MAGI2: variants seen among roughly 807,000 people sequenced by gnomAD.
The protein encoded by MAGI2 is membrane associated guanylate kinase, WW and PDZ domain containing 2.
In MAGI2, 35 loss-of-function variants were observed where a neutral mutation model predicts 133.3. That is an observed-to-expected ratio of 0.26 (90% CI 0.20 to 0.35). The LOEUF (loss-of-function observed/expected upper bound fraction) is 0.35. MAGI2 is among the 10% of genes least tolerant of loss of function. The pLI is 1.00. For missense variants in MAGI2, 1,636 were observed against 1,863.4 expected, an observed-to-expected ratio of 0.88 and a Z score of 2.25; for synonymous variants, 729 against 710.6, an observed-to-expected ratio of 1.03 and a Z score of -0.41.
intron 1 of MAGI2, among the ~76,000 whole-genome samples, chr7:79,057,185 A>G (rs1435103681): frequency 1.3e-5 from 2 of 152,204 alleles, no homozygotes; most frequent in African/African-American, 4.8e-5. Context: ...ATAGATAGAA[A>G]CTTAGAATTT....
intron 1 of MAGI2, among the ~76,000 whole-genome samples, chr7:79,102,847 C>G (rs1195343647): frequency 6.6e-6 from 1 of 152,114 alleles, no homozygotes; most frequent in Non-Finnish European, 1.5e-5. Context: ...GGTGTTGCTG[C>G]GAAGATAGTT....
chr7:78,205,982 T>C (rs1281739529), intron 10 of MAGI2, among the ~76,000 whole-genome samples: 2 of 152,188 alleles, frequency 1.3e-5, no homozygotes, highest in Admixed American at 6.5e-5. Context: ...CAAAAGGCCA[T>C]TTTCAAACTG....
chr7:79,359,705 CACACACACAG>C (rs1186780943), intron 1 of MAGI2, among the ~76,000 whole-genome samples: 18 of 136,478 alleles, frequency 1.3e-4, no homozygotes, highest in African/African-American at 4.5e-4. Context: ...CACACACACA[CACACACACAG>C]AAAACAAAAA....
chr7:78,196,946 T>C (rs1161050720), intron 11 of MAGI2, among the ~76,000 whole-genome samples: 1 of 152,228 alleles, frequency 6.6e-6, no homozygotes, highest in African/African-American at 2.4e-5. Context: ...CAGTTGCCAG[T>C]GGCAGATCCT....
rs1046207237 is a variant in MAGI2 at position 78,721,990 on chromosome 7, AAAT to A, written c.419-94754_419-94752del. Among the ~76,000 whole-genome samples the A allele has an allele frequency of 5.1e-4, 78 of 151,782 alleles. 1 individual carries two copies. The highest frequency in any genetic ancestry group is 1.7e-3 in the African/African-American group (71 of 41,516). On this transcript the variant is annotated intron_variant, in intron 2 of 21. Coordinates refer to ENST00000354212, the MANE Select transcript of MAGI2 (RefSeq NM_012301.4). The stretch of plus-strand genomic sequence containing the variant: ...TCTATTATTACTTTTAGTGAGAGCA[AAAT>A]ATTATAGAAAAACTTTTTTATTTGT...
intron 6 of MAGI2, among the ~76,000 whole-genome samples, chr7:78,399,487 T>G (rs971258712): frequency 2.0e-5 from 3 of 152,124 alleles, no homozygotes; most frequent in Non-Finnish European, 2.9e-5. Context: ...GTCGAGGTAA[T>G]GGGAGCTAGT....
At chr7:78,651,246 C>G (rs556873904) in intron 2 of MAGI2, among the ~76,000 whole-genome samples, 272 of 152,236 alleles carry the variant, frequency 1.8e-3, no homozygotes, top group African/African-American at 6.4e-3. Context: ...AAGTTGCTTT[C>G]TGATAATTCA....
At chr7:79,391,120 T>C (rs561689859) in intron 1 of MAGI2, among the ~76,000 whole-genome samples, 1 of 152,244 alleles carries the variant, frequency 6.6e-6, no homozygotes, top group African/African-American at 2.4e-5. Context: ...CTTTGAGAAA[T>C]TTCAGAAGTT....
intron 9 of MAGI2, among the ~76,000 whole-genome samples, chr7:78,289,915 A>G (rs999592038): frequency 4.6e-5 from 7 of 152,172 alleles, no homozygotes; most frequent in Non-Finnish European, 1.0e-4. Context: ...AGATTTTGTC[A>G]CCACCAGGCC....
At chr7:78,577,342 C>T (rs116240985) in intron 3 of MAGI2, among the ~76,000 whole-genome samples, 1,625 of 152,056 alleles carry the variant, frequency 0.011, 26 homozygotes, top group African/African-American at 0.037. Context: ...GTATGGGGTC[C>T]TAATTGAATT....
At chr7:78,662,517 CTTACTT>C (rs1397426002) in intron 2 of MAGI2, among the ~76,000 whole-genome samples, 1 of 152,142 alleles carries the variant, frequency 6.6e-6, no homozygotes. Flanking sequence ...ACTTATGAAT[CTTACTT>C]TTACTGAATG....
intron 2 of MAGI2, among the ~76,000 whole-genome samples, chr7:78,908,366 C>T (rs7791106): frequency 0.22 from 33,346 of 152,068 alleles, 5,630 homozygotes; most frequent in African/African-American, 0.47. Context: ...CTTTTGTTGA[C>T]ACAGTTGACA....
At chr7:79,016,677 A>G (rs910873506) in intron 1 of MAGI2, among the ~76,000 whole-genome samples, 9 of 152,062 alleles carry the variant, frequency 5.9e-5, no homozygotes, top group Admixed American at 1.3e-4. Flanking sequence ...CACAGCTGCC[A>G]GTGTGAGTGA....
intron 2 of MAGI2, among the ~76,000 whole-genome samples, chr7:78,862,330 C>T (rs144453783): frequency 2.7e-4 from 41 of 152,258 alleles, no homozygotes; most frequent in African/African-American, 8.7e-4. Flanking sequence ...CTGGTCCTGA[C>T]TAAAGACATG....
At chr7:78,787,599 A>AC (rs1826944365) in intron 2 of MAGI2, among the ~76,000 whole-genome samples, 1 of 152,162 alleles carries the variant, frequency 6.6e-6, no homozygotes. Context: ...TTTCTGTTCT[A>AC]CCCCCGTTAC....
At position 78,418,824 on chromosome 7, in the gene MAGI2, C is replaced by T. The variant is rs10252478; in HGVS notation, c.1046-49611G>A. On this transcript the variant is annotated intron_variant, in intron 6 of 21. Transcript: ENST00000354212. Reference sequence around the variant, plus strand: ...ATGGAATGTGCTTAACATAAAGCCTCGTACATAGTAAATGAGAAGAAATGA... The same window carrying T: ...ATGGAATGTGCTTAACATAAAGCCTTGTACATAGTAAATGAGAAGAAATGA... Among the ~76,000 whole-genome samples, 710 of 152,044 alleles carry T rather than the reference C, an allele frequency of 4.7e-3. 7 individuals carry two copies. Among genetic ancestry groups the T allele is most frequent in the African/African-American group, 0.016 (653 of 41,484 alleles).
chr7:79,044,809 A>T (rs1467413599), intron 1 of MAGI2, among the ~76,000 whole-genome samples: 1 of 152,230 alleles, frequency 6.6e-6, no homozygotes, highest in Non-Finnish European at 1.5e-5. Flanking sequence ...CAAGAATGCA[A>T]TCACAGTCAC....
chr7:78,975,100 T>A (rs1356819239), intron 2 of MAGI2, among the ~76,000 whole-genome samples: 1 of 151,676 alleles, frequency 6.6e-6, no homozygotes, highest in African/African-American at 2.4e-5. Flanking sequence ...CCAAAATCCA[T>A]CTGCCAGTGA....
intron 5 of MAGI2, among the ~76,000 whole-genome samples, chr7:78,492,764 GA>G (rs1378715141): frequency 4.6e-5 from 7 of 152,044 alleles, no homozygotes; most frequent in Non-Finnish European, 1.0e-4. Flanking sequence ...TAAATACCAG[GA>G]AAAGAAAATG....
Sources: gnomAD v4.1 joint callset for allele counts (sites outside exome capture counted in the v4.1 genomes callset) on GRCh38, gnomAD v4.1.1 for gene constraint, MANE v1.5 for transcripts, NCBI Gene and HGNC (gene_info 2026-07-23, HGNC 2026-07-21) for gene names.